The following MTUS1 variants were observed in gnomAD, a reference collection of about 807,000 sequenced individuals.
MTUS1 encodes the protein microtubule-associated tumor suppressor 1.
A neutral mutation model predicts 120.8 loss-of-function variants in MTUS1; 109 were observed. The observed-to-expected ratio is 0.90, with a 90% confidence interval of 0.77 to 1.06. The LOEUF is 1.06. MTUS1 is among the 50% of genes least tolerant of loss of function. The probability of loss-of-function intolerance (pLI) is 0.00; values close to 1 mark genes in which losing one functional copy is unlikely to be tolerated. For missense variants in MTUS1, 2,210 were observed against 1,486.3 expected (o/e 1.49, Z -8.01); for synonymous variants, 737 against 550.5 (o/e 1.34, Z -4.74).
chr8:17,680,933 CT>C (rs1278202993), intron 7 of MTUS1, among the ~76,000 whole-genome samples: 2 of 150,304 alleles, frequency 1.3e-5, no homozygotes, highest in African/African-American at 4.9e-5. Context: ...ATTTAATTTG[CT>C]TTTTTTCTTT....
chr8:17,710,768 A>T (rs1387644758), intron 6 of MTUS1, among the ~76,000 whole-genome samples: 1 of 152,166 alleles, frequency 6.6e-6, no homozygotes, highest in Non-Finnish European at 1.5e-5. Flanking sequence ...ACAGTCTTAC[A>T]CAATGTACTT....
intron 2 of MTUS1, among the ~76,000 whole-genome samples, chr8:17,746,076 T>C (rs568315816): frequency 2.6e-5 from 4 of 152,340 alleles, no homozygotes; most frequent in African/African-American, 9.6e-5. Context: ...GTGAGTCAAT[T>C]AAACCTCTTT....
intron 8 of MTUS1, among the ~76,000 whole-genome samples, chr8:17,659,508 AAC>A (rs1361298934): frequency 6.6e-6 from 1 of 152,196 alleles, no homozygotes; most frequent in Non-Finnish European, 1.5e-5. Flanking sequence ...CATCCTGGCC[AAC>A]ATGGTGAAAC....
chr8:17,654,251 A>G, intron 10 of MTUS1: 1 of 389,228 alleles, frequency 2.6e-6, no homozygotes, highest in Admixed American at 4.1e-5. Flanking sequence ...TGTGGATTAC[A>G]AGATAGAAAC....
At chr8:17,792,909 T>C (rs1356453099) in intron 1 of MTUS1, among the ~76,000 whole-genome samples, 1 of 152,116 alleles carries the variant, frequency 6.6e-6, no homozygotes, top group African/African-American at 2.4e-5. Flanking sequence ...AAACAGAAAA[T>C]ACTTCTTCAC....
intron 10 of MTUS1, 189 bp from the exon 11 acceptor site, chr8:17,653,687 C>T (rs1807556321): frequency 3.8e-6 from 2 of 521,014 alleles, no homozygotes; most frequent in African/African-American, 4.0e-5. Context: ...TTAGGGTAGA[C>T]ATTCCCATTT....
At chr8:17,758,578 G>T (rs185208104) in intron 1 of MTUS1, among the ~76,000 whole-genome samples, 18 of 152,208 alleles carry the variant, frequency 1.2e-4, no homozygotes, top group African/African-American at 4.3e-4. Flanking sequence ...TTTAAATCAA[G>T]AAATATATTT....
At chr8:17,783,393 A>G (rs552363347) in intron 1 of MTUS1, among the ~76,000 whole-genome samples, 1 of 152,246 alleles carries the variant, frequency 6.6e-6, no homozygotes, top group East Asian at 1.9e-4. Context: ...TTGCCCTCAT[A>G]AGCAGAACAA....
At chr8:17,758,729 C>T (rs749951200) in intron 1 of MTUS1, among the ~76,000 whole-genome samples, 29 of 152,120 alleles carry the variant, frequency 1.9e-4, no homozygotes, top group South Asian at 4.1e-4. Flanking sequence ...TGCAAACACG[C>T]ACTTAGCATA....
At chr8:17,669,528 T>C (rs766989267) in intron 8 of MTUS1, among the ~76,000 whole-genome samples, 3 of 152,024 alleles carry the variant, frequency 2.0e-5, no homozygotes, top group Admixed American at 6.5e-5. Context: ...AAGGCCAAAA[T>C]AGAGTCTTTT....
At chr8:17,730,166 C>A (rs531326906) in intron 3 of MTUS1, among the ~76,000 whole-genome samples, 3 of 152,134 alleles carry the variant, frequency 2.0e-5, no homozygotes, top group Non-Finnish European at 2.9e-5. Flanking sequence ...AACTGCATGT[C>A]TAGGTACAGA....
intron 3 of MTUS1, among the ~76,000 whole-genome samples, chr8:17,742,064 A>C (rs1204375631): frequency 1.3e-5 from 2 of 152,090 alleles, no homozygotes; most frequent in African/African-American, 4.8e-5. Context: ...CATGAGCCTT[A>C]TTGGACAACT....
chr8:17,666,868 G>C (rs1811031060), intron 8 of MTUS1, among the ~76,000 whole-genome samples: 1 of 151,856 alleles, frequency 6.6e-6, no homozygotes, highest in Non-Finnish European at 1.5e-5. Context: ...GGAGACGTTG[G>C]GGTTTAAAAA....
chr8:17,711,070 T>C (rs1048647459), intron 6 of MTUS1, among the ~76,000 whole-genome samples: 1 of 152,178 alleles, frequency 6.6e-6, no homozygotes, highest in South Asian at 2.1e-4. Context: ...GCTTTGTTGT[T>C]TCATTTATAG....
intron 1 of MTUS1, among the ~76,000 whole-genome samples, chr8:17,766,848 G>A (rs1304921848): frequency 6.6e-6 from 1 of 152,050 alleles, no homozygotes; most frequent in Non-Finnish European, 1.5e-5. Flanking sequence ...AGAATTGTAT[G>A]ACCAGTATAT....
rs757332792 is a variant in MTUS1, at chr8:17,755,413, A to C, written c.395T>G (p.Val132Gly). 3.0e-5 allele frequency: 49 copies of C among 1,614,256 alleles called. No individual in the cohort carries two copies. The East Asian group carries it at 8.9e-4, about 29-fold the overall frequency. ...HSLEAVEGQS[V>G]EPSLPFVWKP... ...CCACACAAAAGGCAAAGATGGCTCA[A>C]CACTCTGGCCCTCAACTGCTTCTAG... is the stretch of plus-strand genomic sequence containing the variant. The change falls in exon 2 of 15, where the codon GTT becomes GGT. Residue 132 changes from valine to glycine, a missense_variant. By Grantham distance (109) the Val-to-Gly change is moderately radical. Coordinates refer to ENST00000693296, the MANE Select transcript of MTUS1 (RefSeq NM_001363059.2).
chr8:17,710,922 C>T (rs1357230115), intron 6 of MTUS1, among the ~76,000 whole-genome samples: 1 of 152,200 alleles, frequency 6.6e-6, no homozygotes, highest in Non-Finnish European at 1.5e-5. Context: ...CTATACTATA[C>T]TCCATCAGAG....
In MTUS1 at chr8:17,755,300, A is replaced by C; in HGVS notation, c.508T>G (p.Cys170Gly). Residue 170 changes from cysteine to glycine, a missense_variant, in exon 2 of 15, where the codon TGC becomes GGC. By Grantham distance (159) the Cys-to-Gly change is radical. Transcript: ENST00000693296. ...ATGGCATGATGTGATATAAAGGTGC[A>C]GTTAACTTTATCCACTGTCATGTCA... ...TFDMTVDKVNCTFISHHAIGK... is the reference protein window; with the variant it reads ...TFDMTVDKVNGTFISHHAIGK... 1.2e-6 allele frequency: 2 copies of C among 1,614,210 alleles called. No homozygotes were observed.
chr8:17,724,766 CT>C (rs1255181953), intron 3 of MTUS1, among the ~76,000 whole-genome samples: 1 of 152,276 alleles, frequency 6.6e-6, no homozygotes, highest in South Asian at 2.1e-4. Flanking sequence ...ATTTTCTCTA[CT>C]TTCCTCTAAC....
Sources: gnomAD v4.1 joint callset for allele counts (sites outside exome capture counted in the v4.1 genomes callset) on GRCh38, gnomAD v4.1.1 for gene constraint, MANE v1.5 for transcripts, NCBI Gene and HGNC (gene_info 2026-07-23, HGNC 2026-07-21) for gene names.